ATXN7L1: variants seen among roughly 807,000 people sequenced by gnomAD.
ATXN7L1 encodes the protein ataxin 7 like 1, also known as ataxin-7-like protein 1.
A neutral mutation model predicts 70.8 loss-of-function variants in ATXN7L1; 15 were observed. The ratio of observed to expected loss-of-function variants is 0.21; its 90% confidence interval spans 0.14 to 0.33. ATXN7L1 has a LOEUF of 0.33. Ranked by LOEUF, ATXN7L1 falls within the 10% of genes least tolerant of loss-of-function variation. The pLI, the probability that ATXN7L1 is intolerant of heterozygous loss-of-function variation, is 1.00. For synonymous variants in ATXN7L1, 440 were observed against 445.1 expected, an observed-to-expected ratio of 0.99 and a Z score of 0.14; for missense variants, 975 against 1,097.1, an observed-to-expected ratio of 0.89 and a Z score of 1.57.
chr7:105,811,158 G>A (rs1190740904), intron 2 of ATXN7L1, among the ~76,000 whole-genome samples: 1 of 152,224 alleles, frequency 6.6e-6, no homozygotes, highest in Non-Finnish European at 1.5e-5. Flanking sequence ...GGTCATTAGG[G>A]TGGGCCTTAA....
intron 3 of ATXN7L1, among the ~76,000 whole-genome samples, chr7:105,709,636 A>G (rs1001821311): frequency 2.6e-5 from 4 of 152,060 alleles, no homozygotes; most frequent in Non-Finnish European, 5.9e-5. Flanking sequence ...AAACTAGCCA[A>G]TCCTGAACTG....
Position 105,642,937 on chromosome 7 carries a change from C to T in ATXN7L1, c.763G>A (p.Glu255Lys). 1 of 1,551,726 alleles carries T rather than the reference C, an allele frequency of 6.4e-7. No homozygotes were observed. Among genetic ancestry groups the T allele is most frequent in the East Asian group, 2.4e-5 (1 of 40,908 alleles). ...ATTCCTTTGCCATTTAAGATCTTCT[C>T]TGGTGAAGGTGGCACTGACTTGGAC... Reference protein sequence around the residue: ...LMSKSVPPSPEKILNGKGILP... With the variant: ...LMSKSVPPSPKKILNGKGILP... Residue 255 changes from glutamate (E) to lysine (K), a missense_variant, in exon 5 of 12, where the codon GAG (glutamate) becomes AAG (lysine). Glu to Lys is a moderately conservative substitution (Grantham distance 56). Coordinates refer to ENST00000419735, the MANE Select transcript of ATXN7L1 (RefSeq NM_020725.2).
chr7:105,758,679 C>T (rs998054847), intron 3 of ATXN7L1, among the ~76,000 whole-genome samples: 3 of 152,200 alleles, frequency 2.0e-5, no homozygotes, highest in East Asian at 1.9e-4. Context: ...GAGGGTCTAC[C>T]GCAGAATGCA....
chr7:105,759,458 G>C (rs1800246405), intron 3 of ATXN7L1, among the ~76,000 whole-genome samples: 1 of 87,220 alleles, frequency 1.1e-5, no homozygotes, highest in Admixed American at 1.1e-4. Flanking sequence ...GAGTGTGTGT[G>C]TGTGTGTGTG....
chr7:105,738,309 C>T (rs1797638769), intron 3 of ATXN7L1, among the ~76,000 whole-genome samples: 2 of 152,180 alleles, frequency 1.3e-5, no homozygotes, highest in Non-Finnish European at 2.9e-5. Context: ...CTCTATATGT[C>T]ATTGTATGTC....
chr7:105,611,034 C>A (rs1241905326), intron 10 of ATXN7L1, among the ~76,000 whole-genome samples: 2 of 152,240 alleles, frequency 1.3e-5, no homozygotes, highest in East Asian at 3.8e-4. Flanking sequence ...ACTCCCTCAG[C>A]CTGGCTGCAG....
intron 3 of ATXN7L1, among the ~76,000 whole-genome samples, chr7:105,738,536 A>C (rs1296853191): frequency 6.6e-6 from 1 of 152,246 alleles, no homozygotes; most frequent in East Asian, 1.9e-4. Flanking sequence ...GATATTCGTT[A>C]ACTGATTTAA....
At chr7:105,666,697 G>A (rs1273808589) in intron 3 of ATXN7L1, among the ~76,000 whole-genome samples, 2 of 152,208 alleles carry the variant, frequency 1.3e-5, no homozygotes, top group Admixed American at 1.3e-4. Context: ...GTGCTCATAT[G>A]CTGCCTACAA....
chr7:105,757,446 A>C (rs1254278037), intron 3 of ATXN7L1, among the ~76,000 whole-genome samples: 2 of 151,810 alleles, frequency 1.3e-5, no homozygotes, highest in African/African-American at 4.8e-5. Context: ...TCTGGGGTAT[A>C]TGCAATTATT....
chr7:105,758,506 T>A (rs531892779), intron 3 of ATXN7L1, among the ~76,000 whole-genome samples: 1 of 152,210 alleles, frequency 6.6e-6, no homozygotes, highest in African/African-American at 2.4e-5. Context: ...TTTCTGGACA[T>A]TGGAAGGACT....
chr7:105,753,016 G>A (rs1799385694), intron 3 of ATXN7L1, among the ~76,000 whole-genome samples: 1 of 152,202 alleles, frequency 6.6e-6, no homozygotes, highest in African/African-American at 2.4e-5. Flanking sequence ...TTTCCTCTGT[G>A]ACACAGACTA....
chr7:105,676,215 C>T (rs1368794742), intron 3 of ATXN7L1, among the ~76,000 whole-genome samples: 1 of 152,192 alleles, frequency 6.6e-6, no homozygotes, highest in African/African-American at 2.4e-5. Flanking sequence ...TCCCCACTGT[C>T]TGGGCCCAGT....
chr7:105,796,428 C>T (rs1806003539), intron 2 of ATXN7L1, among the ~76,000 whole-genome samples: 2 of 152,214 alleles, frequency 1.3e-5, no homozygotes, highest in South Asian at 4.2e-4. Flanking sequence ...CCACAGATCT[C>T]GGTAGGACCT....
intron 3 of ATXN7L1, among the ~76,000 whole-genome samples, chr7:105,687,985 T>C (rs1168483255): frequency 6.6e-6 from 1 of 152,216 alleles, no homozygotes; most frequent in Non-Finnish European, 1.5e-5. Context: ...ACCATGCTTT[T>C]TACTTAAAGA....
chr7:105,764,593 C>T (rs1317968461), intron 3 of ATXN7L1, among the ~76,000 whole-genome samples: 1 of 152,134 alleles, frequency 6.6e-6, no homozygotes, highest in Non-Finnish European at 1.5e-5. Flanking sequence ...TGACTGAATA[C>T]CCACTATTTG....
At chr7:105,690,248 GC>G (rs1417748875) in intron 3 of ATXN7L1, among the ~76,000 whole-genome samples, 2 of 151,776 alleles carry the variant, frequency 1.3e-5, no homozygotes, top group Non-Finnish European at 2.9e-5. Flanking sequence ...CAGGTGATCC[GC>G]CCGCCTCAGC....
chr7:105,783,754 A>C (rs937500499), intron 3 of ATXN7L1, among the ~76,000 whole-genome samples: 1 of 152,200 alleles, frequency 6.6e-6, no homozygotes, highest in East Asian at 1.9e-4. Context: ...AAACATTAGT[A>C]AAATGTTTCC....
At chr7:105,790,582 G>GAAAGAA (rs1247276671) in intron 2 of ATXN7L1, among the ~76,000 whole-genome samples, 1 of 150,592 alleles carries the variant, frequency 6.6e-6, no homozygotes, top group African/African-American at 2.5e-5. Context: ...CCCTGTCTCA[G>GAAAGAA]AAAGAAAAAG....
intron 3 of ATXN7L1, among the ~76,000 whole-genome samples, chr7:105,763,572 T>C (rs1049397007): frequency 1.3e-5 from 2 of 152,250 alleles, no homozygotes; most frequent in African/African-American, 4.8e-5. Flanking sequence ...TTCCCCTTTG[T>C]ATCATATGCT....
Sources: gnomAD v4.1 joint callset for allele counts (sites outside exome capture counted in the v4.1 genomes callset) on GRCh38, gnomAD v4.1.1 for gene constraint, MANE v1.5 for transcripts, NCBI Gene and HGNC (gene_info 2026-07-23, HGNC 2026-07-21) for gene names.